The following KIAA1217 variants were observed in gnomAD, a reference collection of about 807,000 sequenced individuals.
KIAA1217 encodes the protein KIAA1217, also known as sickle tail protein homolog.
Under a neutral mutation model 163.9 loss-of-function variants are expected in KIAA1217, and 88 were observed. That is an observed-to-expected ratio of 0.54 (90% CI 0.45 to 0.64). KIAA1217 has a LOEUF of 0.64. Among genes scored for constraint, KIAA1217 ranks in the 30% least tolerant of loss-of-function variants. KIAA1217 has a pLI of 0.00. For synonymous variants in KIAA1217, 903 were observed against 923.1 expected (o/e 0.98, Z 0.39); for missense variants, 2,372 against 2,475.0 (o/e 0.96, Z 0.88).
chr10:24,408,509 A>C (rs2057444581), intron 3 of KIAA1217, among the ~76,000 whole-genome samples: 1 of 152,070 alleles, frequency 6.6e-6, no homozygotes, highest in African/African-American at 2.4e-5. Context: ...TCTATTCAAT[A>C]TACTGCGTGG....
At chr10:24,207,282 T>TCTCACACACACACACACA (rs529791287), upstream of KIAA1217, among the ~76,000 whole-genome samples, 9 of 140,166 alleles carry the variant, frequency 6.4e-5, no homozygotes, top group African/African-American at 2.6e-4. Context: ...TCTCTCTCTC[T>TCTCACACACACACACACA]CACACACACA....
intron 1 of KIAA1217, among the ~76,000 whole-genome samples, chr10:23,755,536 T>C (rs1335826): frequency 0.43 from 65,452 of 152,112 alleles, 19,046 homozygotes; most frequent in African/African-American, 0.83. Flanking sequence ...TGAATGTAAA[T>C]GGTCTTTTCT....
intron 1 of KIAA1217, among the ~76,000 whole-genome samples, chr10:23,741,030 G>A (rs1261791056): frequency 3.3e-5 from 5 of 152,190 alleles, no homozygotes; most frequent in African/African-American, 1.2e-4. Flanking sequence ...AGATATGGAT[G>A]TCCTACCCTT....
At chr10:24,355,810 C>A (rs1288765273) in intron 2 of KIAA1217, among the ~76,000 whole-genome samples, 5 of 129,764 alleles carry the variant, frequency 3.9e-5, no homozygotes, top group Non-Finnish European at 6.3e-5. Context: ...GTACAGTGGC[C>A]CGATCTCGGC....
chr10:24,356,233 G>T (rs1323724574), intron 2 of KIAA1217, among the ~76,000 whole-genome samples: 2 of 152,188 alleles, frequency 1.3e-5, no homozygotes, highest in South Asian at 4.1e-4. Context: ...AAGTAGGTGG[G>T]ATGATTATTG....
intron 2 of KIAA1217, among the ~76,000 whole-genome samples, chr10:24,299,743 C>A (rs1434203397): frequency 6.6e-6 from 1 of 152,108 alleles, no homozygotes; most frequent in Admixed American, 6.6e-5. Flanking sequence ...TATGAGTAAA[C>A]TACAATTTTA....
At chr10:24,367,343 A>G (rs562937466) in intron 2 of KIAA1217, 1 of 159,928 alleles carries the variant, frequency 6.3e-6, no homozygotes, top group East Asian at 1.9e-4. Flanking sequence ...ATTCAAAACT[A>G]TCAGAGCCAA....
At chr10:24,097,146 A>G (rs2062196565) in intron 2 of KIAA1217, among the ~76,000 whole-genome samples, 1 of 152,224 alleles carries the variant, frequency 6.6e-6, no homozygotes, top group African/African-American at 2.4e-5. Context: ...GTAATAGGCC[A>G]GGCATGGAGG....
chr10:23,712,575 C>T (rs1195757079), intron 1 of KIAA1217, among the ~76,000 whole-genome samples: 3 of 151,980 alleles, frequency 2.0e-5, no homozygotes, highest in Non-Finnish European at 2.9e-5. Flanking sequence ...CTATTTTGAA[C>T]CTGCTTTATT....
rs80165851 is a variant in KIAA1217 at position 23,979,553 on chromosome 10, A to G, written c.-320-27672A>G. 4.6e-5 allele frequency among the ~76,000 whole-genome samples: 7 copies of G among 152,288 alleles called. No individual in the cohort carries two copies. The East Asian group carries it at 1.4e-3, about 29-fold the overall frequency. Reference sequence around the variant, plus strand: ...TTAGGATACTTTTAAAAACCATTTTATTATAAAATAAAACGTTGATACGGA... The same window carrying G: ...TTAGGATACTTTTAAAAACCATTTTGTTATAAAATAAAACGTTGATACGGA... On this transcript the variant is annotated intron_variant, in intron 1 of 18. Transcript: ENST00000376462.
At position 24,006,570 on chromosome 10, in the gene KIAA1217, C is replaced by T. The variant is rs1856172; in HGVS notation, c.-320-655C>T. Among the ~76,000 whole-genome samples, 1,260 of 152,252 alleles carry T rather than the reference C, an allele frequency of 8.3e-3. 24 individuals carry two copies. The highest frequency in any genetic ancestry group is 0.029 in the African/African-American group (1,210 of 41,558). ...CATTCTTCTGGGTCTCCTCAACAATCCCAAAACCCTCCTCCACAGAAGAGG... is the reference window on the plus strand; with the variant it reads ...CATTCTTCTGGGTCTCCTCAACAATTCCAAAACCCTCCTCCACAGAAGAGG... On this transcript the variant is annotated intron_variant, in intron 1 of 18. Transcript: ENST00000376462.
At chr10:23,736,048 C>A (rs1251107243) in intron 1 of KIAA1217, among the ~76,000 whole-genome samples, 2 of 152,240 alleles carry the variant, frequency 1.3e-5, no homozygotes, top group African/African-American at 4.8e-5. Context: ...TGAACTACTT[C>A]ACATGCCAGC....
intron 1 of KIAA1217, among the ~76,000 whole-genome samples, chr10:23,818,445 T>A (rs1271062344): frequency 6.7e-6 from 1 of 150,204 alleles, no homozygotes; most frequent in African/African-American, 2.5e-5. Context: ...TGAAAAATAT[T>A]TTGCATTTAT....
intron 10 of KIAA1217, 126 bp from the exon 11 acceptor site, chr10:24,519,997 C>G (rs901066804): frequency 4.5e-6 from 5 of 1,101,626 alleles, no homozygotes; most frequent in African/African-American, 1.6e-5. Flanking sequence ...CACCACCACA[C>G]GAAAGGCAGG....
At chr10:23,745,666 A>C (rs1839367899) in intron 1 of KIAA1217, among the ~76,000 whole-genome samples, 1 of 152,148 alleles carries the variant, frequency 6.6e-6, no homozygotes, top group East Asian at 1.9e-4. Context: ...AAGCTTGTGA[A>C]GGCTATTTGT....
intron 2 of KIAA1217, among the ~76,000 whole-genome samples, chr10:24,102,634 C>T (rs1020336619): frequency 6.6e-6 from 1 of 152,208 alleles, no homozygotes; most frequent in East Asian, 1.9e-4. Flanking sequence ...TCCCCAACTT[C>T]ATGACTTACT....
intron 3 of KIAA1217, among the ~76,000 whole-genome samples, chr10:24,417,227 TAAG>T (rs2058327859): frequency 6.6e-6 from 1 of 152,062 alleles, no homozygotes; most frequent in South Asian, 2.1e-4. Context: ...CTCAGATACC[TAAG>T]AAGAAGCTGA....
chr10:24,286,752 T>C (rs2078583336), intron 2 of KIAA1217, among the ~76,000 whole-genome samples: 1 of 152,232 alleles, frequency 6.6e-6, no homozygotes, highest in East Asian at 1.9e-4. Context: ...AACTTTGTTT[T>C]ACTCCAAACT....
At chr10:24,438,358 C>A in intron 4 of KIAA1217, 28 bp from the exon 5 acceptor site, 1 of 1,513,852 alleles carries the variant, frequency 6.6e-7, no homozygotes, top group Non-Finnish European at 9.2e-7. Flanking sequence ...CTTTCATCTG[C>A]CATAGTTATC....
Sources: allele counts gnomAD v4.1 joint callset (sites outside exome capture counted in the v4.1 genomes callset), GRCh38; gene constraint gnomAD v4.1.1; transcripts MANE v1.5; gene names NCBI Gene and HGNC (gene_info 2026-07-23, HGNC 2026-07-21).